XRCC1: variants seen among roughly 807,000 people sequenced by gnomAD.
The protein encoded by XRCC1 is DNA repair protein XRCC1.
XRCC1 carries 52 observed loss-of-function variants against 83.3 expected under a neutral mutation model. The observed-to-expected ratio is 0.62, with a 90% confidence interval of 0.50 to 0.79. XRCC1 has a LOEUF of 0.79. Among genes scored for constraint, XRCC1 ranks in the 30% least tolerant of loss-of-function variants. The pLI, the probability that XRCC1 is intolerant of heterozygous loss-of-function variation, is 0.00. For missense variants in XRCC1, 793 were observed against 823.5 expected, an observed-to-expected ratio of 0.96 and a Z score of 0.45; for synonymous variants, 281 against 312.6, an observed-to-expected ratio of 0.90 and a Z score of 1.07.
Position 43,552,042 on chromosome 19 carries a change from A to C in XRCC1, c.1057T>G (p.Trp353Gly), listed in dbSNP as rs756225562. 3.1e-6 allele frequency: 5 copies of C among 1,614,088 alleles called. No individual in the cohort carries two copies. Among genetic ancestry groups the C allele is most frequent in the Non-Finnish European group, 4.2e-6 (5 of 1,179,962 alleles). ...ATGAGGTGCGTGCTGTCCCGGGTCCAGTCTGGCCGATACTTGGCCCCAAGC... is the reference window on the plus strand; with the variant it reads ...ATGAGGTGCGTGCTGTCCCGGGTCCCGTCTGGCCGATACTTGGCCCCAAGC... ...LELGAKYRPD[W>G]TRDSTHLICA... Residue 353 changes from tryptophan to glycine, a missense_variant, in exon 9 of 17, where the codon TGG becomes GGG. Coordinates refer to ENST00000262887, the MANE Select transcript of XRCC1 (RefSeq NM_006297.3).
intron 10 of XRCC1, among the ~76,000 whole-genome samples, chr19:43,548,093 C>T (rs1972534308): frequency 1.4e-5 from 2 of 141,102 alleles, no homozygotes; most frequent in Non-Finnish European, 3.1e-5. Context: ...CCAGCCGCCC[C>T]ATCCGGGAGG....
chr19:43,564,177 C>T (rs953747736), intron 2 of XRCC1, among the ~76,000 whole-genome samples: 2 of 152,220 alleles, frequency 1.3e-5, no homozygotes, highest in Admixed American at 6.5e-5. Context: ...GCAAACACTA[C>T]ATAAATGTCA....
chr19:43,568,998 G>C (rs893197802), intron 2 of XRCC1, among the ~76,000 whole-genome samples: 1 of 149,316 alleles, frequency 6.7e-6, no homozygotes, highest in Non-Finnish European at 1.5e-5. Context: ...AAAAAAATTA[G>C]TTGGGTGTGG....
chr19:43,552,300 G>A, intron 8 of XRCC1, 25 bp from the exon 9 acceptor site: 3 of 1,536,056 alleles, frequency 2.0e-6, no homozygotes, highest in Non-Finnish European at 2.6e-6. Flanking sequence ...GAGTAGATTA[G>A]GTTAGCACCA....
chr19:43,573,500 A>ATGAC (rs1972824489), intron 2 of XRCC1, among the ~76,000 whole-genome samples: 1 of 152,130 alleles, frequency 6.6e-6, no homozygotes, highest in Non-Finnish European at 1.5e-5. Context: ...TATTTGCTGA[A>ATGAC]TGACTGCCCA....
At chr19:43,575,075 C>A in intron 1 of XRCC1, 73 bp from the exon 2 acceptor site, 1 of 1,273,360 alleles carries the variant, frequency 7.9e-7, no homozygotes, top group Non-Finnish European at 1.1e-6. Flanking sequence ...CAGATGATTC[C>A]TTTGAGTCCT....
rs771853009 is a variant in XRCC1 at position 43,560,321 on chromosome 19, G to A, written c.255+589C>T. On this transcript the variant is annotated intron_variant, in intron 3 of 16. Coordinates refer to ENST00000262887, the MANE Select transcript of XRCC1 (RefSeq NM_006297.3). The stretch of plus-strand genomic sequence containing the variant: ...TGAGGCAGAAGAATAGCTTGAACCC[G>A]GGAGGCAGAGGTTGCAAGGAGCTGA... Among the ~76,000 whole-genome samples the A allele has an allele frequency of 2.0e-5, 3 of 151,818 alleles. No individual in the cohort carries two copies. The South Asian group carries it at 6.2e-4, about 32-fold the overall frequency.
At position 43,548,956 on chromosome 19, in the gene XRCC1, G is replaced by T. The variant is rs3213383; in HGVS notation, c.1200-1979C>A. 8.5e-3 allele frequency among the ~76,000 whole-genome samples: 1,294 copies of T among 152,136 alleles called. 18 individuals carry two copies. Among genetic ancestry groups the T allele is most frequent in the African/African-American group, 0.028 (1,179 of 41,520 alleles). ...TAATCTGCCCTAAGCCACAGGGAAG[G>T]TATGCAGACACAAATGAATGTATTA... is the stretch of plus-strand genomic sequence containing the variant. On this transcript the variant is annotated intron_variant, in intron 10 of 16. Transcript: ENST00000262887.
intron 2 of XRCC1, among the ~76,000 whole-genome samples, chr19:43,566,948 T>C (rs187674609): frequency 6.0e-4 from 88 of 147,786 alleles, no homozygotes; most frequent in African/African-American, 2.2e-3. Flanking sequence ...AGTTGATGAA[T>C]AGATAAACAT....
chr19:43,568,122 C>T (rs1972771371), intron 2 of XRCC1, among the ~76,000 whole-genome samples: 1 of 151,844 alleles, frequency 6.6e-6, no homozygotes, highest in Non-Finnish European at 1.5e-5. Context: ...ATCCACCTGC[C>T]TCAGCCTCCC....
Position 43,543,480 on chromosome 19 carries a change from G to A in XRCC1, c.1814C>T (p.Ala605Val). 1 of 1,613,844 alleles carries A rather than the reference G, an allele frequency of 6.2e-7. No individual in the cohort carries two copies. Among genetic ancestry groups the A allele is most frequent in the Non-Finnish European group, 8.5e-7 (1 of 1,179,978 alleles). Residue 605 changes from alanine to valine, a missense_variant, in exon 17 of 17, where the codon GCA (alanine) becomes GTA (valine). Physicochemically the swap from Ala to Val is moderately conservative, Grantham distance 64 (BLOSUM62 0). Transcript: ENST00000262887. The part of the protein sequence containing the change: ...EEALMDNPSL[A>V]FVRPRWIYSC... The stretch of plus-strand genomic sequence containing the variant: ...GTAGATCCATCGGGGACGAACGAAT[G>A]CCAGGGAGGGGTTGTCCATCAGGGC...
intron 2 of XRCC1, among the ~76,000 whole-genome samples, chr19:43,569,354 T>C (rs1395571423): frequency 6.6e-6 from 1 of 151,722 alleles, no homozygotes; most frequent in Non-Finnish European, 1.5e-5. Flanking sequence ...CACATGCCTG[T>C]AGTCCCAACT....
intron 4 of XRCC1, 62 bp from the exon 5 acceptor site, chr19:43,553,745 C>A: frequency 1.4e-6 from 2 of 1,381,824 alleles, no homozygotes; most frequent in Middle Eastern, 2.0e-4. Context: ...GGGCCCAAGA[C>A]CCTTTTCACT....
At chr19:43,548,197 G>A (rs1257335560) in intron 10 of XRCC1, among the ~76,000 whole-genome samples, 4 of 151,254 alleles carry the variant, frequency 2.6e-5, no homozygotes, top group African/African-American at 4.9e-5. Flanking sequence ...CCGGGAGGTG[G>A]GGGGCGCCTC....
intron 3 of XRCC1, among the ~76,000 whole-genome samples, chr19:43,559,479 CAAAAAAAAAAAAAA>C (rs58121949): frequency 3.5e-5 from 2 of 56,530 alleles, no homozygotes; most frequent in Non-Finnish European, 6.1e-5. Flanking sequence ...GACTCCATCT[CAAAAAAAAAAAAAA>C]AAAAAAAAAA....
At chr19:43,565,811 C>T (rs1416805434) in intron 2 of XRCC1, among the ~76,000 whole-genome samples, 1 of 152,014 alleles carries the variant, frequency 6.6e-6, no homozygotes, top group Non-Finnish European at 1.5e-5. Context: ...GTGACACGCA[C>T]CTCAATAATC....
intron 2 of XRCC1, among the ~76,000 whole-genome samples, chr19:43,562,831 A>G (rs2854497): frequency 0.064 from 9,677 of 152,294 alleles, 670 homozygotes; most frequent in African/African-American, 0.18. Flanking sequence ...ATCCGAGTGC[A>G]CTGAGCGCTC....
At chr19:43,554,907 G>C in intron 3 of XRCC1, 103 bp from the exon 4 acceptor site, 4 of 1,313,376 alleles carry the variant, frequency 3.0e-6, no homozygotes, top group Non-Finnish European at 4.2e-6. Context: ...CAGGGGACTG[G>C]GAGTCACTAG....
At position 43,546,897 on chromosome 19, in the gene XRCC1, T is replaced by C. The variant is rs954185673; in HGVS notation, c.1280A>G (p.Lys427Arg). The change falls in exon 11 of 17, where the codon AAG becomes AGG. Residue 427 changes from lysine to arginine, a missense_variant. Transcript: ENST00000262887. ...GGGGCATCAGACCTTCTGAGGAAGC[T>C]TGGGGGCTTCATCTCCGCTGCCACC... is the stretch of plus-strand genomic sequence containing the variant. ...HSGGSGDEAP[K>R]LPQKQPQTKT... 1.6e-5 allele frequency: 26 copies of C among 1,613,970 alleles called. No individual in the cohort carries two copies. The highest frequency in any genetic ancestry group is 2.0e-5 in the Non-Finnish European group (24 of 1,179,994).
Sources: gnomAD v4.1 joint callset for allele counts (sites outside exome capture counted in the v4.1 genomes callset) on GRCh38, gnomAD v4.1.1 for gene constraint, MANE v1.5 for transcripts, NCBI Gene and HGNC (gene_info 2026-07-23, HGNC 2026-07-21) for gene names.